KHDRBS3: variants seen among roughly 807,000 people sequenced by gnomAD.
KHDRBS3 encodes the protein KH RNA binding domain containing, signal transduction associated 3.
In KHDRBS3, 23 loss-of-function variants were observed where a neutral mutation model predicts 45.6. The observed-to-expected ratio is 0.50, with a 90% CI of 0.36 to 0.72. The LOEUF is 0.72. Ranked by LOEUF, KHDRBS3 falls within the 30% of genes least tolerant of loss-of-function variation. KHDRBS3 has a pLI of 0.00. For missense variants in KHDRBS3, 352 were observed against 424.8 expected, an observed-to-expected ratio of 0.83 and a Z score of 1.51; for synonymous variants, 162 against 156.5, an observed-to-expected ratio of 1.04 and a Z score of -0.26.
intron 6 of KHDRBS3, among the ~76,000 whole-genome samples, chr8:135,597,434 T>C (rs1229288107): frequency 6.6e-6 from 1 of 152,162 alleles, no homozygotes; most frequent in Non-Finnish European, 1.5e-5. Flanking sequence ...TCATTCTATC[T>C]GAAATTCTCT....
chr8:135,525,195 G>T (rs1405345518), intron 2 of KHDRBS3, among the ~76,000 whole-genome samples: 2 of 152,168 alleles, frequency 1.3e-5, no homozygotes, highest in African/African-American at 4.8e-5. Context: ...TAATTAACTT[G>T]GTTGGATTCA....
chr8:135,498,986 T>A (rs1439258586), intron 1 of KHDRBS3, among the ~76,000 whole-genome samples: 3 of 152,112 alleles, frequency 2.0e-5, no homozygotes, highest in Non-Finnish European at 4.4e-5. Flanking sequence ...GTGGTTTTGC[T>A]TATTTTATAT....
At chr8:135,554,583 A>C (rs1826782415) in intron 4 of KHDRBS3, among the ~76,000 whole-genome samples, 1 of 152,148 alleles carries the variant, frequency 6.6e-6, no homozygotes. Flanking sequence ...TCAGGGAAAT[A>C]ATTTATATTT....
intron 1 of KHDRBS3, among the ~76,000 whole-genome samples, chr8:135,513,261 A>C: frequency 6.6e-6 from 1 of 152,128 alleles, no homozygotes; most frequent in East Asian, 1.9e-4. Context: ...AAGAGATATA[A>C]AGTTAAATTA....
chr8:135,544,996 T>G (rs1184846365), intron 3 of KHDRBS3, among the ~76,000 whole-genome samples: 1 of 152,038 alleles, frequency 6.6e-6, no homozygotes, highest in Admixed American at 6.5e-5. Flanking sequence ...GTTCTGTTAA[T>G]TCTCAAACTG....
chr8:135,550,639 C>T (rs76614652), intron 4 of KHDRBS3, among the ~76,000 whole-genome samples: 3 of 152,022 alleles, frequency 2.0e-5, no homozygotes, highest in African/African-American at 7.2e-5. Flanking sequence ...TTAAGTAAAT[C>T]TGGAAATCTA....
At chr8:135,549,139 AAAACTTGC>A in intron 4 of KHDRBS3, 1 of 314,078 alleles carries the variant, frequency 3.2e-6, no homozygotes, top group Non-Finnish European at 5.8e-6. Context: ...ACATGGCTAA[AAAACTTGC>A]ATAGCACAAT....
At chr8:135,574,402 C>T (rs1827857937) in intron 5 of KHDRBS3, among the ~76,000 whole-genome samples, 1 of 152,100 alleles carries the variant, frequency 6.6e-6, no homozygotes, top group Non-Finnish European at 1.5e-5. Flanking sequence ...TATCAAATGA[C>T]TTGTCTAAAA....
intron 3 of KHDRBS3, among the ~76,000 whole-genome samples, chr8:135,543,173 T>G (rs545153907): frequency 6.6e-6 from 1 of 152,178 alleles, no homozygotes; most frequent in Admixed American, 6.5e-5. Context: ...TGCTTTTATT[T>G]CTTCTTTTTG....
chr8:135,550,482 A>G (rs765855659), intron 4 of KHDRBS3, among the ~76,000 whole-genome samples: 1 of 152,238 alleles, frequency 6.6e-6, no homozygotes, highest in Non-Finnish European at 1.5e-5. Flanking sequence ...TGAAAAGACA[A>G]TCATTTCCTC....
At chr8:135,486,217 T>C (rs1269387541) in intron 1 of KHDRBS3, among the ~76,000 whole-genome samples, 2 of 152,190 alleles carry the variant, frequency 1.3e-5, no homozygotes, top group Non-Finnish European at 2.9e-5. Flanking sequence ...TTTTTCTCTT[T>C]AAAGGTATCA....
rs1333544570 is a variant in KHDRBS3, at chr8:135,542,718, C to A, written c.272C>A (p.Thr91Asn). The A allele has an allele frequency of 1.9e-6, 3 of 1,613,774 alleles. No homozygotes were observed. Among genetic ancestry groups the A allele is most frequent in the Non-Finnish European group, 1.7e-6 (2 of 1,179,760 alleles). Residue 91 changes from threonine to asparagine, a missense_variant, in exon 3 of 9, where the codon ACC (threonine) becomes AAC (asparagine). Around this residue, in one of 6 missense-constraint regions of KHDRBS3, gnomAD observed 15 missense variants for 30.2 expected, o/e 0.50. Transcript: ENST00000355849. ...TCTCTGAAGCGTTTACAAGAAGAAA[C>A]CTTGACAAAAATGTCCATCCTTGGG... ...GNSLKRLQEETLTKMSILGKG... is the reference protein window; with the variant it reads ...GNSLKRLQEENLTKMSILGKG...
intron 7 of KHDRBS3, among the ~76,000 whole-genome samples, chr8:135,640,850 C>G (rs1219090615): frequency 6.6e-6 from 1 of 151,976 alleles, no homozygotes; most frequent in African/African-American, 2.4e-5. Context: ...GTGTTTTTTC[C>G]CTTTGCCATA....
chr8:135,593,030 CT>C (rs1425224415), intron 6 of KHDRBS3, among the ~76,000 whole-genome samples: 1 of 152,002 alleles, frequency 6.6e-6, no homozygotes, highest in East Asian at 1.9e-4. Context: ...GAGACCCCGT[CT>C]CTGCAAAATT....
intron 7 of KHDRBS3, chr8:135,625,483 C>T (rs1586823550): frequency 1.3e-6 from 1 of 788,898 alleles, no homozygotes; most frequent in East Asian, 2.4e-5. Flanking sequence ...CAGCAGTTCT[C>T]TGTGTTGAGA....
chr8:135,627,888 T>C (rs1459947474), intron 7 of KHDRBS3, among the ~76,000 whole-genome samples: 1 of 152,142 alleles, frequency 6.6e-6, no homozygotes, highest in East Asian at 1.9e-4. Context: ...TTAAATTAGA[T>C]GGTAGTGAAA....
downstream of KHDRBS3, among the ~76,000 whole-genome samples, chr8:135,648,972 G>A (rs147266484): frequency 5.3e-4 from 81 of 152,120 alleles, 2 homozygotes; most frequent in African/African-American, 1.7e-3. Context: ...TTCTATGTGC[G>A]TGCATAGGCA....
chr8:135,618,734 G>T (rs1187921367), intron 7 of KHDRBS3, among the ~76,000 whole-genome samples: 1 of 152,144 alleles, frequency 6.6e-6, no homozygotes, highest in Non-Finnish European at 1.5e-5. Context: ...TATATGATTA[G>T]GAGTCAGGCC....
At chr8:135,521,878 T>C (rs1029052614) in intron 2 of KHDRBS3, among the ~76,000 whole-genome samples, 1 of 152,238 alleles carries the variant, frequency 6.6e-6, no homozygotes, top group Non-Finnish European at 1.5e-5. Flanking sequence ...CTAGGCACTT[T>C]TAATTTTTTG....
Sources: gnomAD v4.1 joint callset for allele counts (sites outside exome capture counted in the v4.1 genomes callset) on GRCh38, gnomAD v4.1.1 for gene constraint, gnomAD v4.1.1 regional missense constraint, MANE v1.5 for transcripts, NCBI Gene and HGNC (gene_info 2026-07-23, HGNC 2026-07-21) for gene names.